PRELID2: variants seen among roughly 807,000 people sequenced by gnomAD.
The protein encoded by PRELID2 is PRELI domain containing 2.
PRELID2 carries 25 observed loss-of-function variants against 28.4 expected under a neutral mutation model. The ratio of observed to expected loss-of-function variants is 0.88; its 90% CI spans 0.64 to 1.23. The LOEUF (loss-of-function observed/expected upper bound fraction) is 1.23, where lower values mean the gene tolerates loss of function less well. PRELID2 is among the 50% of genes most tolerant of loss of function. The probability of loss-of-function intolerance (pLI) is 0.00; values close to 1 mark genes in which losing one functional copy is unlikely to be tolerated. For synonymous variants in PRELID2, 76 were observed against 71.6 expected (o/e 1.06, Z -0.31); for missense variants, 201 against 214.4 (o/e 0.94, Z 0.39).
chr5:145,521,253 A>C (rs915268589), intron 1 of PRELID2, among the ~76,000 whole-genome samples: 3 of 152,124 alleles, frequency 2.0e-5, no homozygotes, highest in African/African-American at 7.2e-5. Flanking sequence ...GCTAAAATGA[A>C]CTTCCCCGTA....
chr5:145,342,847 G>A, the PRELID2 span, among the ~76,000 whole-genome samples: 2 of 145,764 alleles, frequency 1.4e-5, no homozygotes, highest in Non-Finnish European at 1.5e-5. Flanking sequence ...AATACCAAAA[G>A]TGAGCAAGAG....
intron 5 of PRELID2, among the ~76,000 whole-genome samples, chr5:145,765,754 C>T (rs537106338): frequency 3.9e-5 from 6 of 152,128 alleles, no homozygotes; most frequent in Non-Finnish European, 8.8e-5. Flanking sequence ...CGCCTGCAGG[C>T]AAATCTCAAA....
chr5:145,688,439 C>T (rs1755079668), intron 1 of PRELID2, among the ~76,000 whole-genome samples: 1 of 152,174 alleles, frequency 6.6e-6, no homozygotes, highest in Non-Finnish European at 1.5e-5. Context: ...AATATTTATT[C>T]AGCTACCTAT....
the PRELID2 span, among the ~76,000 whole-genome samples, chr5:145,432,471 A>G: frequency 1.3e-5 from 2 of 151,802 alleles, no homozygotes; most frequent in South Asian, 4.1e-4. Flanking sequence ...AAAAGGAATA[A>G]AGTATCTCCA....
intron 1 of PRELID2, among the ~76,000 whole-genome samples, chr5:145,631,645 C>T (rs955217161): frequency 6.6e-6 from 1 of 152,168 alleles, no homozygotes; most frequent in African/African-American, 2.4e-5. Flanking sequence ...GGATCCTCAG[C>T]ATCCAGAATA....
the PRELID2 span, among the ~76,000 whole-genome samples, chr5:145,365,844 G>A: frequency 1.6e-4 from 25 of 151,938 alleles, no homozygotes; most frequent in East Asian, 4.6e-3. Flanking sequence ...CCACAGGGCA[G>A]AACTGATTTC....
In PRELID2 at chr5:145,781,709, T is replaced by C. The variant is rs182349396; in HGVS notation, c.474+14733A>G. On this transcript the variant is annotated intron_variant, in intron 5 of 6. Transcript: ENST00000683046. ...ATACACTATATATACTATATATATA[T>C]ACACACACACTATATATATATACTA... is the stretch of plus-strand genomic sequence containing the variant. Among the ~76,000 whole-genome samples, 537 of 146,754 alleles carry C rather than the reference T, an allele frequency of 3.7e-3. 4 individuals are homozygous for C. The highest frequency in any genetic ancestry group is 0.012 in the African/African-American group (477 of 40,272).
At chr5:145,466,535 T>G in the PRELID2 span, among the ~76,000 whole-genome samples, 1 of 152,172 alleles carries the variant, frequency 6.6e-6, no homozygotes, top group Non-Finnish European at 1.5e-5. Flanking sequence ...CATATATCTA[T>G]CTATAACTAT....
chr5:145,786,476 G>A (rs149642589), intron 5 of PRELID2, among the ~76,000 whole-genome samples: 2 of 152,336 alleles, frequency 1.3e-5, no homozygotes, highest in African/African-American at 4.8e-5. Flanking sequence ...AAGGAACCAA[G>A]GGAGGCCCGC....
the PRELID2 span, among the ~76,000 whole-genome samples, chr5:145,316,169 GT>G: frequency 6.6e-6 from 1 of 152,156 alleles, no homozygotes; most frequent in East Asian, 1.9e-4. Context: ...ATTGCTGTTG[GT>G]TTCTTGGTCT....
the PRELID2 span, among the ~76,000 whole-genome samples, chr5:145,268,355 T>C: frequency 5.9e-5 from 9 of 152,152 alleles, no homozygotes; most frequent in Non-Finnish European, 1.0e-4. Context: ...TTCTTCTTCA[T>C]GTGGATATCT....
At chr5:145,522,589 T>C (rs1261227512) in intron 1 of PRELID2, among the ~76,000 whole-genome samples, 1 of 152,196 alleles carries the variant, frequency 6.6e-6, no homozygotes, top group Non-Finnish European at 1.5e-5. Flanking sequence ...TGATGCAACA[T>C]TGCCCCCAAA....
At chr5:145,630,859 C>T (rs1753923368) in intron 1 of PRELID2, among the ~76,000 whole-genome samples, 1 of 152,178 alleles carries the variant, frequency 6.6e-6, no homozygotes, top group Non-Finnish European at 1.5e-5. Flanking sequence ...TAGAATTCTG[C>T]AGTCTAACAC....
chr5:145,407,049 T>C, the PRELID2 span, among the ~76,000 whole-genome samples: 1 of 152,166 alleles, frequency 6.6e-6, no homozygotes, highest in African/African-American at 2.4e-5. Flanking sequence ...AACTTTGTAA[T>C]AATTTTGATT....
At chr5:145,460,217 T>C in the PRELID2 span, among the ~76,000 whole-genome samples, 1 of 152,236 alleles carries the variant, frequency 6.6e-6, no homozygotes, top group South Asian at 2.1e-4. Context: ...TCATGCCACC[T>C]GGCCATACGT....
chr5:145,522,358 T>G (rs1172739219), intron 1 of PRELID2, among the ~76,000 whole-genome samples: 1 of 152,028 alleles, frequency 6.6e-6, no homozygotes, highest in Non-Finnish European at 1.5e-5. Context: ...GCAATGTGTT[T>G]TATTGGTTAT....
intron 1 of PRELID2, among the ~76,000 whole-genome samples, chr5:145,656,573 T>C (rs1217833616): frequency 6.6e-6 from 1 of 151,790 alleles, no homozygotes; most frequent in Admixed American, 6.6e-5. Flanking sequence ...TATGCAGCCA[T>C]AAAAAATCAT....
chr5:145,721,281 C>T (rs924205360), intron 1 of PRELID2, among the ~76,000 whole-genome samples: 1 of 152,080 alleles, frequency 6.6e-6, no homozygotes, highest in African/African-American at 2.4e-5. Flanking sequence ...TAGTTTTGAT[C>T]TCACAGATTC....
intron 1 of PRELID2, among the ~76,000 whole-genome samples, chr5:145,545,287 T>C (rs1750220519): frequency 6.6e-6 from 1 of 152,052 alleles, no homozygotes; most frequent in South Asian, 2.1e-4. Flanking sequence ...TGGAAAGAAT[T>C]TTTAGGATCA....
Sources: allele counts gnomAD v4.1 joint callset (sites outside exome capture counted in the v4.1 genomes callset), GRCh38; gene constraint gnomAD v4.1.1; transcripts MANE v1.5; gene names NCBI Gene and HGNC (gene_info 2026-07-23, HGNC 2026-07-21).